The following SUCLG2 variants were observed in gnomAD, a reference collection of about 807,000 sequenced individuals.
SUCLG2 encodes succinate--CoA ligase [GDP-forming] subunit beta, mitochondrial.
Under a neutral mutation model 47.9 loss-of-function variants are expected in SUCLG2, and 42 were observed. The observed-to-expected ratio is 0.88, with a 90% confidence interval of 0.69 to 1.14. The LOEUF (loss-of-function observed/expected upper bound fraction) is 1.14. Ranked by LOEUF, SUCLG2 falls within the 50% of genes most tolerant of loss-of-function variation. The pLI is 0.00. For synonymous variants in SUCLG2, 195 were observed against 197.3 expected (o/e 0.99, Z 0.10); for missense variants, 571 against 525.9 (o/e 1.09, Z -0.84).
rs758879056 is a variant in SUCLG2, at chr3:67,498,163, A to G, written c.890T>C (p.Ile297Thr). 16 of 1,612,900 alleles carry G rather than the reference A, an allele frequency of 9.9e-6. No homozygotes were observed. The highest frequency in any genetic ancestry group is 1.3e-5 in the African/African-American group (1 of 74,898). Residue 297 changes from isoleucine to threonine, a missense_variant, in exon 8 of 11, where the codon ATA becomes ACA. Ile to Thr is a moderately conservative substitution (Grantham distance 89, BLOSUM62 -1). Transcript: ENST00000307227. ...GCAGGCAATGTTCCCATCTAGTCCTATGTATTTTAGATCATATTTGGCAGC... is the reference window on the plus strand; with the variant it reads ...GCAGGCAATGTTCCCATCTAGTCCTGTGTATTTTAGATCATATTTGGCAGC... ...NEAAKYDLKY[I>T]GLDGNIACFV...
chr3:67,461,958 G>A (rs975938981), intron 9 of SUCLG2, among the ~76,000 whole-genome samples: 9 of 152,054 alleles, frequency 5.9e-5, no homozygotes, highest in Admixed American at 3.9e-4. Context: ...AAGGTCATGC[G>A]GGGCCGGATG....
chr3:67,368,050 A>C (rs904102712), intron 10 of SUCLG2, among the ~76,000 whole-genome samples: 3 of 152,220 alleles, frequency 2.0e-5, no homozygotes, highest in African/African-American at 7.2e-5. Context: ...TATTCCATTT[A>C]CTACTTTTAG....
intron 9 of SUCLG2, among the ~76,000 whole-genome samples, chr3:67,462,640 A>G (rs902428591): frequency 6.6e-6 from 1 of 152,192 alleles, no homozygotes; most frequent in Non-Finnish European, 1.5e-5. Flanking sequence ...AACATCCTTT[A>G]TAATAAACCA....
intron 2 of SUCLG2, among the ~76,000 whole-genome samples, chr3:67,600,796 T>C (rs1033588031): frequency 6.6e-6 from 1 of 152,222 alleles, no homozygotes; most frequent in Non-Finnish European, 1.5e-5. Context: ...GGGCATACTT[T>C]CCAGGTCATC....
In SUCLG2 at chr3:67,400,794, T is replaced by G; in HGVS notation, c.1120A>C (p.Asn374His). 1.9e-6 allele frequency: 3 copies of G among 1,612,622 alleles called. No individual in the cohort carries two copies. The highest frequency in any genetic ancestry group is 2.5e-6 in the Non-Finnish European group (3 of 1,179,934). Residue 374 changes from asparagine (N) to histidine (H), a missense_variant, in exon 10 of 11, where the codon AAT becomes CAT. Asn to His is a moderately conservative substitution (Grantham distance 68, BLOSUM62 1). Transcript: ENST00000307227. ...GGIVNCAIIA[N>H]GITKACRELE... Reference sequence around the variant, plus strand: ...TCCCGGCAGGCTTTGGTGATCCCATTGGCAATGATGGCACAGTTGACGATA... The same window carrying G: ...TCCCGGCAGGCTTTGGTGATCCCATGGGCAATGATGGCACAGTTGACGATA...
chr3:67,592,734 AAACAAC>A (rs869249681), intron 2 of SUCLG2, among the ~76,000 whole-genome samples: 21,979 of 118,654 alleles, frequency 0.19, 1,996 homozygotes, highest in East Asian at 0.26. Flanking sequence ...AAAAAAAAAA[AAACAAC>A]AAAAAAAAAC....
At chr3:67,643,528 T>A (rs916108254) in intron 1 of SUCLG2, among the ~76,000 whole-genome samples, 15 of 152,304 alleles carry the variant, frequency 9.8e-5, no homozygotes, top group African/African-American at 3.4e-4. Context: ...TAACTTCTTA[T>A]CCTCTTCCTA....
chr3:67,471,272 G>A (rs2106985538), intron 9 of SUCLG2, among the ~76,000 whole-genome samples: 1 of 152,312 alleles, frequency 6.6e-6, no homozygotes, highest in Admixed American at 6.5e-5. Context: ...TGCCACACAA[G>A]GGTGATGAGG....
intron 10 of SUCLG2, among the ~76,000 whole-genome samples, chr3:67,367,187 A>G (rs1575651373): frequency 6.6e-6 from 1 of 152,218 alleles, no homozygotes; most frequent in African/African-American, 2.4e-5. Context: ...CTGAGACACT[A>G]AAATGTAAAC....
At chr3:67,613,500 C>T (rs957905079) in intron 1 of SUCLG2, among the ~76,000 whole-genome samples, 1 of 152,156 alleles carries the variant, frequency 6.6e-6, no homozygotes. Context: ...GCCATCCCTC[C>T]TACCCCATCG....
intron 4 of SUCLG2, among the ~76,000 whole-genome samples, chr3:67,521,109 C>T (rs1706091146): frequency 6.6e-6 from 1 of 152,168 alleles, no homozygotes; most frequent in South Asian, 2.1e-4. Context: ...TCTTCGATCA[C>T]TATATTTTAC....
chr3:67,402,200 G>A lies in SUCLG2; in HGVS notation c.1063-1349C>T, dbSNP rs148236417. On this transcript the variant is annotated intron_variant, in intron 9 of 10. Coordinates refer to ENST00000307227, the MANE Select transcript of SUCLG2 (RefSeq NM_003848.4). ...AAAAAGAGGACCTAGCCCACAGGAT[G>A]TTGAAAGGCCTAAATGAGGTAATAC... Among the ~76,000 whole-genome samples the A allele has an allele frequency of 1.6e-3, 244 of 152,336 alleles. 1 individual carries two copies. Among genetic ancestry groups the A allele is most frequent in the Non-Finnish European group, 3.0e-3 (205 of 68,040 alleles).
intron 4 of SUCLG2, among the ~76,000 whole-genome samples, chr3:67,522,336 T>C (rs148373306): frequency 6.6e-6 from 1 of 152,024 alleles, no homozygotes; most frequent in Non-Finnish European, 1.5e-5. Flanking sequence ...TGAGTCATGG[T>C]GCCTGGCCTG....
chr3:67,397,091 C>T (rs1337009404), intron 10 of SUCLG2, among the ~76,000 whole-genome samples: 2 of 151,346 alleles, frequency 1.3e-5, no homozygotes, highest in African/African-American at 4.9e-5. Flanking sequence ...AAACTGGAAG[C>T]ATTCCCTTTG....
chr3:67,401,560 C>T (rs562928217), intron 9 of SUCLG2, among the ~76,000 whole-genome samples: 1 of 137,272 alleles, frequency 7.3e-6, no homozygotes, highest in Non-Finnish European at 1.5e-5. Context: ...ATTCCATATT[C>T]AAAGGCATGT....
intron 2 of SUCLG2, among the ~76,000 whole-genome samples, 156 bp downstream of exon 2, chr3:67,609,299 C>T (rs1403336386): frequency 2.0e-5 from 3 of 152,092 alleles, no homozygotes; most frequent in Non-Finnish European, 4.4e-5. Flanking sequence ...GTACATGAGG[C>T]AATCTGGACT....
intron 6 of SUCLG2, among the ~76,000 whole-genome samples, chr3:67,511,854 GGT>G (rs1294841399): frequency 6.8e-6 from 1 of 146,750 alleles, no homozygotes; most frequent in Non-Finnish European, 1.5e-5. Flanking sequence ...TGTGTGGGGG[GGT>G]GTGTGTGTGT....
At chr3:67,602,085 G>A (rs536686489) in intron 2 of SUCLG2, among the ~76,000 whole-genome samples, 1 of 152,150 alleles carries the variant, frequency 6.6e-6, no homozygotes, top group Non-Finnish European at 1.5e-5. Context: ...AGTTACCATG[G>A]ATACACAATC....
At chr3:67,594,068 G>C (rs536425206) in intron 2 of SUCLG2, among the ~76,000 whole-genome samples, 1 of 152,322 alleles carries the variant, frequency 6.6e-6, no homozygotes, top group Non-Finnish European at 1.5e-5. Flanking sequence ...AGGAGGATGA[G>C]AGGCACGTGG....
Sources: allele counts gnomAD v4.1 joint callset (sites outside exome capture counted in the v4.1 genomes callset), GRCh38; gene constraint gnomAD v4.1.1; transcripts MANE v1.5; gene names NCBI Gene and HGNC (gene_info 2026-07-23, HGNC 2026-07-21).